The following GUCY1B1 variants were observed in gnomAD, a reference collection of about 807,000 sequenced individuals.
GUCY1B1 encodes guanylate cyclase 1 soluble subunit beta 1.
A neutral mutation model predicts 71.0 loss-of-function variants in GUCY1B1; 43 were observed. That is an observed-to-expected ratio of 0.61 (90% CI 0.47 to 0.78). GUCY1B1 has a LOEUF of 0.78. GUCY1B1 is among the 30% of genes least tolerant of loss of function. The probability of loss-of-function intolerance (pLI) is 0.00; values close to 1 mark genes in which losing one functional copy is unlikely to be tolerated. For missense variants in GUCY1B1, 535 were observed against 754.1 expected, an observed-to-expected ratio of 0.71 and a Z score of 3.40; for synonymous variants, 266 against 259.7, an observed-to-expected ratio of 1.02 and a Z score of -0.23.
intron 6 of GUCY1B1, 145 bp downstream of exon 6, chr4:155,794,231 G>A: frequency 1.8e-6 from 1 of 553,368 alleles, no homozygotes; most frequent in Non-Finnish European, 3.2e-6. Flanking sequence ...TTGTTTAATT[G>A]TGAACTAAGT....
At chr4:155,761,845 G>A (rs527320869) in intron 2 of GUCY1B1, among the ~76,000 whole-genome samples, 2 of 152,190 alleles carry the variant, frequency 1.3e-5, no homozygotes, top group South Asian at 2.1e-4. Flanking sequence ...AATTTTTCTG[G>A]TAAAAATGAA....
At chr4:155,766,588 A>G (rs971916502) in intron 2 of GUCY1B1, among the ~76,000 whole-genome samples, 3 of 151,700 alleles carry the variant, frequency 2.0e-5, no homozygotes, top group Non-Finnish European at 4.4e-5. Flanking sequence ...AAGATAGAGC[A>G]ATATAGCAAT....
chr4:155,794,174 TCTGA>T lies in GUCY1B1; in HGVS notation c.726+91_726+94del, dbSNP rs1173164029. On this transcript the variant is annotated intron_variant, in intron 6 of 13. Transcript: ENST00000264424. ...AGGCAGCCATCCATTCATTTAACCC[TCTGA>T]CTATGTATTAGGTAATATGCAGTTT... 14 of 700,988 alleles carry T rather than the reference TCTGA, an allele frequency of 2.0e-5. 1 individual carries two copies. In the South Asian group the frequency reaches 2.2e-4, roughly 11 times the overall value. The allele number at this position is 700,988 out of a possible 1,614,324, so 43.4% of individuals were successfully genotyped here. A position where few individuals can be genotyped will look rare whatever the true frequency, so the allele number is the denominator to read the frequency against.
chr4:155,781,045 C>G (rs548525867), intron 4 of GUCY1B1, among the ~76,000 whole-genome samples: 1 of 152,228 alleles, frequency 6.6e-6, no homozygotes, highest in Admixed American at 6.5e-5. Context: ...TCCACAGCCT[C>G]TCAGTTAGAT....
chr4:155,805,234 G>A lies in GUCY1B1; in HGVS notation c.1836+5G>A, dbSNP rs368746170. The stretch of plus-strand genomic sequence containing the variant: ...AGAAAAAATACAGGAACAGAGGTAT[G>A]ACTAATCAAAGTGTAATTTGCGTAC... On this transcript the variant is annotated splice_donor_5th_base_variant and intron_variant, in intron 13 of 13. Coordinates refer to ENST00000264424, the MANE Select transcript of GUCY1B1 (RefSeq NM_000857.5). The A allele has an allele frequency of 1.2e-6, 2 of 1,605,204 alleles. No individual in the cohort carries two copies. Among genetic ancestry groups the A allele is most frequent in the African/African-American group, 1.3e-5 (1 of 74,728 alleles).
chr4:155,796,304 T>C (rs1739550860), intron 7 of GUCY1B1, 73 bp from the exon 8 acceptor site: 5 of 1,339,264 alleles, frequency 3.7e-6, no homozygotes, highest in African/African-American at 1.4e-5. Flanking sequence ...AAATGAGATA[T>C]GCGTGTCCTT....
intron 8 of GUCY1B1, among the ~76,000 whole-genome samples, chr4:155,799,295 T>C (rs1230165468): frequency 6.6e-6 from 1 of 152,176 alleles, no homozygotes; most frequent in African/African-American, 2.4e-5. Context: ...GAGAAAAATT[T>C]GTCAAAGTAA....
chr4:155,806,010 C>G (rs751950830), intron 13 of GUCY1B1, among the ~76,000 whole-genome samples: 6 of 152,164 alleles, frequency 3.9e-5, no homozygotes, highest in Non-Finnish European at 8.8e-5. Context: ...GGGGATAAGA[C>G]TGCATGCTCA....
intron 2 of GUCY1B1, among the ~76,000 whole-genome samples, chr4:155,765,833 T>C (rs1274116242): frequency 6.6e-6 from 1 of 152,122 alleles, no homozygotes; most frequent in Non-Finnish European, 1.5e-5. Flanking sequence ...CTTGCTATGG[T>C]CTCCTTTTCT....
chr4:155,793,200 C>T (rs1016624243), intron 5 of GUCY1B1, among the ~76,000 whole-genome samples: 8 of 152,074 alleles, frequency 5.3e-5, no homozygotes, highest in Admixed American at 3.9e-4. Flanking sequence ...CCTCAGCTTC[C>T]CGAGTAGCTG....
Position 155,802,060 on chromosome 4 carries a change from T to C in GUCY1B1, c.1176-282T>C, listed in dbSNP as rs78953254. Among the ~76,000 whole-genome samples, 1,499 of 152,276 alleles carry C rather than the reference T, an allele frequency of 9.8e-3. 9 individuals carry two copies. Among genetic ancestry groups the C allele is most frequent in the Middle Eastern group, 0.02 (6 of 294 alleles). ...GAAAACTTTGATTTTCTATTACCAG[T>C]CTTTTTGTTTTGTCTGTTTGCTTGG... On this transcript the variant is annotated intron_variant, in intron 9 of 13. Transcript: ENST00000264424. This position sits in a 1 kb window ranked among gnomAD's most constrained non-coding sequence, Gnocchi z 4.3.
intron 1 of GUCY1B1, chr4:155,759,472 G>C (rs971458619): frequency 4.0e-6 from 2 of 498,834 alleles, no homozygotes; most frequent in African/African-American, 4.1e-5. Context: ...GAGCGCCAGC[G>C]GAAGGGAAGG....
At chr4:155,768,291 A>G (rs186513217) in intron 2 of GUCY1B1, among the ~76,000 whole-genome samples, 46 of 152,260 alleles carry the variant, frequency 3.0e-4, no homozygotes, top group African/African-American at 1.1e-3. Flanking sequence ...CTGTGTTCAC[A>G]TATTGTAGTT....
chr4:155,768,869 A>G (rs1214693934), intron 2 of GUCY1B1, among the ~76,000 whole-genome samples: 1 of 152,094 alleles, frequency 6.6e-6, no homozygotes, highest in African/African-American at 2.4e-5. Context: ...TTCGATCTTT[A>G]TTTTTAAAGC....
rs562259305 is a variant in GUCY1B1 at position 155,762,190 on chromosome 4, A to G, written c.77+2330A>G. Among the ~76,000 whole-genome samples the G allele has an allele frequency of 3.3e-5, 5 of 152,242 alleles. No individual in the cohort carries two copies. The South Asian group carries it at 1.0e-3, about 32-fold the overall frequency. On this transcript the variant is annotated intron_variant, in intron 2 of 13. Transcript: ENST00000264424. ...GGGAGAGGGGAGGAGAACCTGGAGGAGTGTAATTGAAAAATGCTCCTTGGG... is the reference window on the plus strand; with the variant it reads ...GGGAGAGGGGAGGAGAACCTGGAGGGGTGTAATTGAAAAATGCTCCTTGGG...
chr4:155,797,785 T>C (rs927331621), intron 8 of GUCY1B1, among the ~76,000 whole-genome samples: 1 of 143,226 alleles, frequency 7.0e-6, no homozygotes, highest in Admixed American at 7.1e-5. Flanking sequence ...TTTAAGTACA[T>C]TTAAGATTAA....
chr4:155,793,093 T>C (rs1739290213), intron 5 of GUCY1B1, among the ~76,000 whole-genome samples: 1 of 152,180 alleles, frequency 6.6e-6, no homozygotes, highest in Non-Finnish European at 1.5e-5. Flanking sequence ...TTTCTTTTTT[T>C]GAGACAGAGT....
intron 8 of GUCY1B1, among the ~76,000 whole-genome samples, chr4:155,797,768 G>A (rs985020214): frequency 3.4e-5 from 3 of 88,940 alleles, no homozygotes; most frequent in East Asian, 2.5e-4. Context: ...ATAATATATC[G>A]TTAATTTTTA....
chr4:155,768,400 TC>T (rs1377678137), intron 2 of GUCY1B1, among the ~76,000 whole-genome samples: 1 of 151,874 alleles, frequency 6.6e-6, no homozygotes, highest in Non-Finnish European at 1.5e-5. Flanking sequence ...TAAAAAATAT[TC>T]TTTAGTTTGA....
Sources: gnomAD v4.1 joint callset for allele counts (sites outside exome capture counted in the v4.1 genomes callset) on GRCh38, gnomAD v4.1.1 for gene constraint, Gnocchi (gnomAD v3.1) non-coding constraint, MANE v1.5 for transcripts, NCBI Gene and HGNC (gene_info 2026-07-23, HGNC 2026-07-21) for gene names.